FGGY: variants seen among roughly 807,000 people sequenced by gnomAD.
FGGY encodes FGGY carbohydrate kinase domain containing, also known as FGGY carbohydrate kinase domain-containing protein.
Under a neutral mutation model 71.3 loss-of-function variants are expected in FGGY, and 72 were observed. The ratio of observed to expected loss-of-function variants is 1.01; its 90% CI spans 0.84 to 1.23. FGGY has a LOEUF of 1.23. FGGY is among the 50% of genes most tolerant of loss of function. FGGY has a pLI of 0.00. For missense variants in FGGY, 668 were observed against 682.3 expected (o/e 0.98, Z 0.23); for synonymous variants, 251 against 250.3 (o/e 1.00, Z -0.02).
At chr1:59,621,849 G>A (rs1188120564) in intron 9 of FGGY, among the ~76,000 whole-genome samples, 1 of 151,796 alleles carries the variant, frequency 6.6e-6, no homozygotes, top group Non-Finnish European at 1.5e-5. Context: ...CCAAGTTTGG[G>A]AAATTTTCAG....
At chr1:59,506,369 G>T (rs1037740537) in intron 6 of FGGY, among the ~76,000 whole-genome samples, 3 of 151,774 alleles carry the variant, frequency 2.0e-5, no homozygotes, top group Admixed American at 6.6e-5. Flanking sequence ...ATCATACTAA[G>T]AATACTATTC....
At chr1:59,395,434 A>G (rs942040138) in intron 5 of FGGY, among the ~76,000 whole-genome samples, 4 of 152,112 alleles carry the variant, frequency 2.6e-5, no homozygotes, top group African/African-American at 9.7e-5. Flanking sequence ...GTTTCCCTGC[A>G]TTCAGCCTTC....
chr1:59,546,522 TGATGATGATG>T (rs765411152), intron 7 of FGGY, among the ~76,000 whole-genome samples: 20,197 of 138,010 alleles, frequency 0.15, 1,673 homozygotes, highest in Admixed American at 0.23. Context: ...ATGATGATGA[TGATGATGATG>T]ATGATTATTA....
Position 59,321,770 on chromosome 1 carries a change from T to A in FGGY, c.201+20T>A. 1 of 1,600,572 alleles carries A rather than the reference T, an allele frequency of 6.2e-7. No individual in the cohort carries two copies. The highest frequency in any genetic ancestry group is 8.5e-7 in the Non-Finnish European group (1 of 1,173,660). ...ACAAAGGTATGGGCAAAACTGGTGT[T>A]CTCTCCTTGTTCATATTCCTACCTG... On this transcript the variant is annotated intron_variant, in intron 2 of 15. Coordinates refer to ENST00000303721, the MANE Select transcript of FGGY (RefSeq NM_018291.5).
At chr1:59,465,494 A>G (rs2092561155) in intron 6 of FGGY, among the ~76,000 whole-genome samples, 1 of 152,198 alleles carries the variant, frequency 6.6e-6, no homozygotes, top group Non-Finnish European at 1.5e-5. Context: ...ATAGTGTTGG[A>G]AGTTCTGGCC....
At position 59,534,608 on chromosome 1, in the gene FGGY, G is replaced by T. The variant is rs192652942; in HGVS notation, c.800-19516G>T. Among the ~76,000 whole-genome samples, 1,382 of 152,284 alleles carry T rather than the reference G, an allele frequency of 9.1e-3. 11 individuals carry two copies. Among genetic ancestry groups the T allele is most frequent in the Middle Eastern group, 0.024 (7 of 294 alleles). On this transcript the variant is annotated intron_variant, in intron 7 of 15. Coordinates refer to ENST00000303721, the MANE Select transcript of FGGY (RefSeq NM_018291.5). ...AAGGTAGGGTTATCCTCAAAGGGAA[G>T]CCCATCAGACTAACAGCGGATCTCT...
intron 11 of FGGY, among the ~76,000 whole-genome samples, chr1:59,659,960 A>G (rs1048985871): frequency 3.9e-5 from 6 of 152,216 alleles, no homozygotes; most frequent in Admixed American, 6.5e-5. Context: ...AAGAAATATC[A>G]AACATAATCT....
intron 4 of FGGY, among the ~76,000 whole-genome samples, chr1:59,351,667 G>A (rs2053328957): frequency 6.6e-6 from 1 of 152,162 alleles, no homozygotes; most frequent in South Asian, 2.1e-4. Flanking sequence ...GGCTGTTACA[G>A]TACTCCATGG....
At chr1:59,490,556 G>C (rs1412374288) in intron 6 of FGGY, among the ~76,000 whole-genome samples, 1 of 151,918 alleles carries the variant, frequency 6.6e-6, no homozygotes, top group East Asian at 1.9e-4. Flanking sequence ...TTCTTTTGTT[G>C]CCTGTGCTTT....
chr1:59,686,876 TAAATG>T (rs2097548167), intron 14 of FGGY, among the ~76,000 whole-genome samples: 1 of 152,152 alleles, frequency 6.6e-6, no homozygotes, highest in African/African-American at 2.4e-5. Context: ...TTGTGAAAAT[TAAATG>T]AGATGATATG....
At chr1:59,682,029 C>A (rs552716472) in intron 14 of FGGY, among the ~76,000 whole-genome samples, 1 of 152,222 alleles carries the variant, frequency 6.6e-6, no homozygotes, top group East Asian at 1.9e-4. Flanking sequence ...TCTTGAGTAG[C>A]ATGTATTTAA....
chr1:59,341,690 A>G (rs1042339579), intron 3 of FGGY, among the ~76,000 whole-genome samples: 13 of 152,202 alleles, frequency 8.5e-5, no homozygotes, highest in Non-Finnish European at 1.6e-4. Flanking sequence ...GTTCTGAGCC[A>G]TTTCAGAAAG....
chr1:59,666,732 G>A (rs981446965), intron 12 of FGGY, among the ~76,000 whole-genome samples: 7 of 152,188 alleles, frequency 4.6e-5, no homozygotes, highest in African/African-American at 1.2e-4. Context: ...CAATAGCAGC[G>A]GTAATTTTAG....
At chr1:59,563,967 T>G (rs2095836351) in intron 8 of FGGY, among the ~76,000 whole-genome samples, 1 of 152,160 alleles carries the variant, frequency 6.6e-6, no homozygotes, top group Non-Finnish European at 1.5e-5. Flanking sequence ...TAAATGGTGT[T>G]GGGAAAACTG....
chr1:59,404,992 T>A (rs915174785), intron 5 of FGGY, among the ~76,000 whole-genome samples: 17 of 152,236 alleles, frequency 1.1e-4, no homozygotes, highest in African/African-American at 3.4e-4. Context: ...TTACATAATG[T>A]ATGCCTGGTG....
chr1:59,454,836 C>T (rs2091525548), intron 5 of FGGY, among the ~76,000 whole-genome samples: 1 of 152,168 alleles, frequency 6.6e-6, no homozygotes, highest in Non-Finnish European at 1.5e-5. Flanking sequence ...CCACTGGTTT[C>T]CTGGATCCTA....
chr1:59,700,979 G>A (rs1269746476), intron 14 of FGGY, among the ~76,000 whole-genome samples: 1 of 152,188 alleles, frequency 6.6e-6, no homozygotes, highest in Non-Finnish European at 1.5e-5. Flanking sequence ...AATGTGTTGA[G>A]TAAGGAGAAT....
intron 1 of FGGY, among the ~76,000 whole-genome samples, chr1:59,312,584 G>A (rs758153657): frequency 2.4e-4 from 37 of 152,200 alleles, no homozygotes; most frequent in Non-Finnish European, 4.7e-4. Context: ...ATGGAAGATG[G>A]TATGGGAGAT....
At chr1:59,434,346 G>C (rs74595935) in intron 5 of FGGY, among the ~76,000 whole-genome samples, 1,789 of 152,328 alleles carry the variant, frequency 0.012, 33 homozygotes, top group African/African-American at 0.04. Context: ...AGGGAGGTAA[G>C]TGAATGGTTT....
Sources: gnomAD v4.1 joint callset for allele counts (sites outside exome capture counted in the v4.1 genomes callset) on GRCh38, gnomAD v4.1.1 for gene constraint, MANE v1.5 for transcripts, NCBI Gene and HGNC (gene_info 2026-07-23, HGNC 2026-07-21) for gene names.